MICAL2: variants seen among roughly 807,000 people sequenced by gnomAD.
MICAL2 encodes [F-actin]-monooxygenase MICAL2.
Under a neutral mutation model 127.3 loss-of-function variants are expected in MICAL2, and 77 were observed. The ratio of observed to expected loss-of-function variants is 0.60; its 90% CI spans 0.50 to 0.73. The LOEUF (loss-of-function observed/expected upper bound fraction) is 0.73, where lower values mean the gene tolerates loss of function less well. Ranked by LOEUF, MICAL2 falls within the 30% of genes least tolerant of loss-of-function variation. The pLI is 0.00. For synonymous variants in MICAL2, 570 were observed against 551.1 expected (o/e 1.03, Z -0.48); for missense variants, 1,351 against 1,434.4 (o/e 0.94, Z 0.94).
At chr11:12,141,980 C>T (rs1216188570) in intron 2 of MICAL2, among the ~76,000 whole-genome samples, 2 of 152,204 alleles carry the variant, frequency 1.3e-5, no homozygotes, top group Admixed American at 6.5e-5. Flanking sequence ...CCACTTCTCC[C>T]GTTTATTAGT....
At chr11:12,308,499 T>C (rs1864138223) in intron 29 of MICAL2, among the ~76,000 whole-genome samples, 1 of 152,208 alleles carries the variant, frequency 6.6e-6, no homozygotes, top group Non-Finnish European at 1.5e-5. Flanking sequence ...AATTTATCTT[T>C]TAACTATTTC....
At chr11:12,289,160 GTAGCA>G (rs966555307), downstream of MICAL2, among the ~76,000 whole-genome samples, 119 of 152,354 alleles carry the variant, frequency 7.8e-4, no homozygotes, top group African/African-American at 2.6e-3. Flanking sequence ...CAGAGAGGAG[GTAGCA>G]CAAGCGCCTG....
At chr11:12,262,268 C>T in intron 26 of MICAL2, 2 of 1,419,054 alleles carry the variant, frequency 1.4e-6, no homozygotes, top group Non-Finnish European at 1.8e-6. Flanking sequence ...TGTGTGCATC[C>T]ACTCTCGTAA....
At chr11:12,245,762 G>C (rs75924783) in intron 21 of MICAL2, among the ~76,000 whole-genome samples, 1 of 152,346 alleles carries the variant, frequency 6.6e-6, no homozygotes, top group African/African-American at 2.4e-5. Flanking sequence ...GTGGAGACAG[G>C]CATTTTTGTC....
intron 3 of MICAL2, among the ~76,000 whole-genome samples, chr11:12,181,474 G>A (rs562643714): frequency 3.3e-5 from 5 of 152,166 alleles, no homozygotes; most frequent in Admixed American, 3.3e-4. Context: ...ATTTTGTTTT[G>A]TTTACGTGAA....
chr11:12,199,742 C>G (rs550327138), intron 3 of MICAL2, among the ~76,000 whole-genome samples: 3 of 152,210 alleles, frequency 2.0e-5, no homozygotes, highest in South Asian at 4.1e-4. Context: ...ACCATCCCCC[C>G]ATCCTGACCC....
chr11:12,252,520 G>A (rs549592283), intron 22 of MICAL2: 3 of 152,356 alleles, frequency 2.0e-5, no homozygotes, highest in African/African-American at 7.2e-5. Context: ...CCATTCCAAA[G>A]GTGCTGTAAT....
intron 22 of MICAL2, chr11:12,253,923 A>T (rs1160496960): frequency 6.6e-6 from 1 of 152,218 alleles, no homozygotes; most frequent in Non-Finnish European, 1.5e-5. Flanking sequence ...CTCAACCTTC[A>T]GCCTCTCCGC....
chr11:12,240,240 G>A (rs894167338), intron 17 of MICAL2, among the ~76,000 whole-genome samples: 6 of 152,206 alleles, frequency 3.9e-5, no homozygotes, highest in Admixed American at 6.5e-5. Flanking sequence ...GCGTCAGGCT[G>A]TAGGCTTCCT....
intron 2 of MICAL2, among the ~76,000 whole-genome samples, chr11:12,283,041 C>T (rs149280146): frequency 7.2e-4 from 109 of 152,278 alleles, no homozygotes; most frequent in African/African-American, 2.4e-3. Flanking sequence ...GGGTAGAATG[C>T]GTGACTCTCA....
rs980319344 is a variant in MICAL2 at position 12,216,982 on chromosome 11, C to T, written c.948+663C>T. Among the ~76,000 whole-genome samples the T allele has an allele frequency of 4.1e-4, 62 of 152,190 alleles. 1 individual carries two copies. Among genetic ancestry groups the T allele is most frequent in the Admixed American group, 3.5e-3 (54 of 15,272 alleles). On this transcript the variant is annotated intron_variant, in intron 8 of 27. Transcript: ENST00000683283. ...CTGTAACTTCTCAGCCTTGTTTGCA[C>T]ACTGGCTTTTTTGTCCTGCTGGCTT...
intron 29 of MICAL2, among the ~76,000 whole-genome samples, chr11:12,319,114 A>G (rs1461095300): frequency 6.6e-6 from 1 of 152,202 alleles, no homozygotes; most frequent in East Asian, 1.9e-4. Flanking sequence ...CCTTAGGCTT[A>G]GAGTCCTTTT....
chr11:12,361,396 A>T (rs1262693945), downstream of MICAL2, among the ~76,000 whole-genome samples: 2 of 152,228 alleles, frequency 1.3e-5, no homozygotes, highest in African/African-American at 4.8e-5. Flanking sequence ...AAATACAAAG[A>T]TCAAGAAATA....
chr11:12,170,731 T>G (rs1856140872), intron 3 of MICAL2, among the ~76,000 whole-genome samples: 1 of 152,182 alleles, frequency 6.6e-6, no homozygotes, highest in South Asian at 2.1e-4. Flanking sequence ...CTCCTCTTAT[T>G]CCATCCCCAA....
At chr11:12,353,660 A>G (rs1840031593) in intron 33 of MICAL2, among the ~76,000 whole-genome samples, 1 of 152,002 alleles carries the variant, frequency 6.6e-6, no homozygotes, top group Admixed American at 6.6e-5. Context: ...CTGGCATGGA[A>G]AACTTAAGTT....
At chr11:12,165,635 C>T (rs1855415639) in intron 3 of MICAL2, among the ~76,000 whole-genome samples, 1 of 152,230 alleles carries the variant, frequency 6.6e-6, no homozygotes, top group African/African-American at 2.4e-5. Context: ...TGGGTCTGGG[C>T]TTTAGCATTT....
downstream of MICAL2, chr11:12,358,623 T>G: frequency 2.7e-6 from 2 of 742,102 alleles, no homozygotes; most frequent in Non-Finnish European, 4.1e-6. Context: ...TAAAATTCTC[T>G]TGCACGCATG....
chr11:12,282,693 A>G (rs1288980295), intron 2 of MICAL2, among the ~76,000 whole-genome samples: 4 of 152,238 alleles, frequency 2.6e-5, no homozygotes, highest in African/African-American at 7.2e-5. Context: ...TGAGGAAAAC[A>G]TATATTGGTT....
chr11:12,256,814 C>T lies in MICAL2; in HGVS notation c.2985C>T (p.Asn995=). ...CTATGCGAAAGTCATTTCCCCTTAA[C>T]CTGGGAGGCAGCGACACGTGTTACT... ...LESMRKSFPL[N]LGGSDTCYFC... is the part of the protein sequence containing the mutation. The change falls in exon 24 of 28, where the codon AAC becomes AAT. Residue 995 remains asparagine, a synonymous_variant. Coordinates refer to ENST00000683283, the MANE Select transcript of MICAL2 (RefSeq NM_001282663.2). 6.2e-7 allele frequency: 1 copy of T among 1,613,678 alleles called. No individual in the cohort carries two copies.
Sources: gnomAD v4.1 joint callset for allele counts (sites outside exome capture counted in the v4.1 genomes callset) on GRCh38, gnomAD v4.1.1 for gene constraint, MANE v1.5 for transcripts, NCBI Gene and HGNC (gene_info 2026-07-23, HGNC 2026-07-21) for gene names.